MID2: variants seen among roughly 807,000 people sequenced by gnomAD.
MID2 encodes the protein midline 2.
Under a neutral mutation model 46.1 loss-of-function variants are expected in MID2, and 13 were observed. The observed-to-expected ratio is 0.28, with a 90% CI of 0.18 to 0.45. MID2 has a LOEUF of 0.45. Ranked by LOEUF, MID2 falls within the 20% of genes least tolerant of loss-of-function variation. The pLI is 1.00. For synonymous variants in MID2, 199 were observed against 212.3 expected (o/e 0.94, Z 0.55); for missense variants, 431 against 575.4 (o/e 0.75, Z 2.57).
intron 1 of MID2, among the ~76,000 whole-genome samples, chrX:107,833,073 C>G (rs1421958125): frequency 8.9e-6 from 1 of 111,877 alleles, no homozygotes; most frequent in African/African-American, 3.2e-5. Flanking sequence ...TTGTTTATGT[C>G]CTGCTCCAGT....
chrX:107,848,893 C>G (rs1931548081), intron 2 of MID2, among the ~76,000 whole-genome samples: 1 of 112,075 alleles, frequency 8.9e-6, no homozygotes, highest in South Asian at 3.7e-4. Flanking sequence ...TGGCTTCTGG[C>G]TTTTGGAAGA....
At chrX:107,853,080 T>C (rs1395382617) in intron 2 of MID2, among the ~76,000 whole-genome samples, 1 of 109,839 alleles carries the variant, frequency 9.1e-6, no homozygotes, top group Non-Finnish European at 1.9e-5. Flanking sequence ...GACTTGGGAG[T>C]GGGGAGAAAT....
At chrX:107,875,860 T>C (rs1932187314) in intron 3 of MID2, among the ~76,000 whole-genome samples, 1 of 111,088 alleles carries the variant, frequency 9.0e-6, no homozygotes. Flanking sequence ...CAAAAGGAGG[T>C]CCACTTTCCT....
At chrX:107,884,822 C>T (rs1420443218) in intron 3 of MID2, among the ~76,000 whole-genome samples, 1 of 111,507 alleles carries the variant, frequency 9.0e-6, no homozygotes, top group Non-Finnish European at 1.9e-5. Flanking sequence ...ATTTACTTTA[C>T]CTCTCTAGAT....
intron 3 of MID2, among the ~76,000 whole-genome samples, chrX:107,877,112 C>T (rs1009019680): frequency 6.3e-5 from 7 of 111,778 alleles, no homozygotes; most frequent in Admixed American, 4.7e-4. Flanking sequence ...GATGGCAAAC[C>T]GGAGGGCTGA....
At chrX:107,835,822 A>G (rs1369183048) in intron 1 of MID2, among the ~76,000 whole-genome samples, 1 of 112,117 alleles carries the variant, frequency 8.9e-6, no homozygotes, top group African/African-American at 3.2e-5. Context: ...TTTTTACTTC[A>G]TTGATGGTGC....
chrX:107,890,314 G>A (rs1178023451), intron 3 of MID2, among the ~76,000 whole-genome samples: 2 of 112,150 alleles, frequency 1.8e-5, no homozygotes, highest in Admixed American at 1.9e-4. Context: ...TGTCCTTTCT[G>A]TTTATTAGTT....
chrX:107,847,669 C>T (rs1931522477), intron 2 of MID2, among the ~76,000 whole-genome samples: 1 of 111,733 alleles, frequency 8.9e-6, no homozygotes, highest in Non-Finnish European at 1.9e-5. Context: ...ATTTAACAAT[C>T]ATTCATTCAT....
chrX:107,930,081 C>A lies in MID2; in HGVS notation c.*3008C>A. ...ATCATCTTCCCTACTAGACTGAACACCTTGAGAGGAAGGACTGTGTCTTTT... is the reference window on the plus strand; with the variant it reads ...ATCATCTTCCCTACTAGACTGAACAACTTGAGAGGAAGGACTGTGTCTTTT... On this transcript the variant is annotated 3_prime_UTR_variant, in exon 10 of 10. Transcript: ENST00000262843. 8.9e-6 allele frequency among the ~76,000 whole-genome samples: 1 copy of A among 111,741 alleles called. No homozygotes were observed. Among genetic ancestry groups the A allele is most frequent in the African/African-American group, 3.3e-5 (1 of 30,731 alleles).
chrX:107,887,032 A>T (rs1278751936), intron 3 of MID2, among the ~76,000 whole-genome samples: 4 of 111,772 alleles, frequency 3.6e-5, no homozygotes, highest in East Asian at 5.6e-4. Context: ...GGCTGAGATG[A>T]TGGGGTTTTC....
chrX:107,908,857 G>C (rs986985073), intron 5 of MID2, among the ~76,000 whole-genome samples: 1 of 111,162 alleles, frequency 9.0e-6, no homozygotes, highest in Non-Finnish European at 1.9e-5. Context: ...ACAATGTCTT[G>C]TCTCTGAAAA....
chrX:107,917,485 C>T, intron 6 of MID2, 21 bp from the exon 7 acceptor site: 1 of 1,142,074 alleles, frequency 8.8e-7, no homozygotes, highest in Non-Finnish European at 1.2e-6. Context: ...TCCTTACTTT[C>T]TTTTCCACCT....
At chrX:107,907,634 A>C (rs1932847245) in intron 5 of MID2, among the ~76,000 whole-genome samples, 1 of 110,807 alleles carries the variant, frequency 9.0e-6, no homozygotes, top group South Asian at 3.8e-4. Context: ...AAACAAAAAA[A>C]CCCCATGACT....
At chrX:107,877,931 C>T (rs57472634) in intron 3 of MID2, among the ~76,000 whole-genome samples, 2 of 108,999 alleles carry the variant, frequency 1.8e-5, no homozygotes, top group East Asian at 2.9e-4. Flanking sequence ...TATCAGCCAG[C>T]GGGGCCACTC....
chrX:107,920,141 T>A (rs1003226959), intron 7 of MID2, among the ~76,000 whole-genome samples: 1 of 112,436 alleles, frequency 8.9e-6, no homozygotes, highest in Non-Finnish European at 1.9e-5. Flanking sequence ...AGATTCAGGA[T>A]CCCAATCCTA....
At chrX:107,851,739 C>G (rs982901954) in intron 2 of MID2, among the ~76,000 whole-genome samples, 7 of 111,351 alleles carry the variant, frequency 6.3e-5, no homozygotes, top group Non-Finnish European at 9.4e-5. Context: ...ACCTTTATAA[C>G]AGGACTTTGG....
chrX:107,868,665 T>C (rs1052036374), intron 3 of MID2, among the ~76,000 whole-genome samples: 14 of 111,737 alleles, frequency 1.3e-4, no homozygotes, highest in Non-Finnish European at 2.3e-4. Flanking sequence ...AATCATTTAC[T>C]ACGATTTTAC....
chrX:107,865,372 C>T (rs1343531685), intron 3 of MID2, among the ~76,000 whole-genome samples: 2 of 112,635 alleles, frequency 1.8e-5, no homozygotes, highest in Non-Finnish European at 3.8e-5. Context: ...CATAATGCCT[C>T]TGCACGTGCT....
intron 3 of MID2, among the ~76,000 whole-genome samples, chrX:107,903,167 A>T (rs1249278400): frequency 1.8e-5 from 2 of 111,896 alleles, no homozygotes; most frequent in Non-Finnish European, 3.8e-5. Context: ...AAAAGATGTT[A>T]GTTCTTTTCT....
Sources: gnomAD v4.1 joint callset for allele counts (sites outside exome capture counted in the v4.1 genomes callset) on GRCh38, gnomAD v4.1.1 for gene constraint, MANE v1.5 for transcripts, NCBI Gene and HGNC (gene_info 2026-07-23, HGNC 2026-07-21) for gene names.